NPAS3: variants seen among roughly 807,000 people sequenced by gnomAD.
NPAS3 encodes neuronal PAS domain-containing protein 3.
Under a neutral mutation model 73.1 loss-of-function variants are expected in NPAS3, and 14 were observed. That is an observed-to-expected ratio of 0.19 (90% confidence interval 0.13 to 0.30). NPAS3 has a LOEUF of 0.30. Ranked by LOEUF, NPAS3 falls within the 10% of genes least tolerant of loss-of-function variation. The pLI, the probability that NPAS3 is intolerant of heterozygous loss-of-function variation, is 1.00. For missense variants in NPAS3, 1,096 were observed against 1,250.0 expected, an observed-to-expected ratio of 0.88 and a Z score of 1.86; for synonymous variants, 620 against 541.5, an observed-to-expected ratio of 1.14 and a Z score of -2.01.
chr14:33,294,242 C>T (rs1266288253), intron 3 of NPAS3, among the ~76,000 whole-genome samples: 2 of 152,194 alleles, frequency 1.3e-5, no homozygotes, highest in Admixed American at 6.5e-5. Flanking sequence ...CTCTATTCTT[C>T]ACCCACATTG....
intron 7 of NPAS3, among the ~76,000 whole-genome samples, chr14:33,743,631 C>A (rs1272912539): frequency 6.6e-6 from 1 of 152,212 alleles, no homozygotes; most frequent in Non-Finnish European, 1.5e-5. Flanking sequence ...ACAAGAAAAT[C>A]CACCTATCCT....
intron 5 of NPAS3, among the ~76,000 whole-genome samples, chr14:33,637,410 A>C (rs1421687861): frequency 6.6e-6 from 1 of 152,226 alleles, no homozygotes; most frequent in African/African-American, 2.4e-5. Flanking sequence ...ACATCATTAG[A>C]GTCCATTATA....
chr14:32,947,656 T>A (rs915072610), intron 1 of NPAS3, among the ~76,000 whole-genome samples: 3 of 152,112 alleles, frequency 2.0e-5, no homozygotes, highest in Non-Finnish European at 4.4e-5. Flanking sequence ...TGTTTGTGTA[T>A]GTCTATCTAA....
At chr14:33,545,621 C>CTGAA (rs2054808053) in intron 4 of NPAS3, among the ~76,000 whole-genome samples, 1 of 152,210 alleles carries the variant, frequency 6.6e-6, no homozygotes, top group Admixed American at 6.5e-5. Flanking sequence ...CATTTCAAAG[C>CTGAA]TGAACATGGA....
At chr14:33,732,925 C>A (rs888609230) in intron 6 of NPAS3, among the ~76,000 whole-genome samples, 1 of 152,188 alleles carries the variant, frequency 6.6e-6, no homozygotes, top group African/African-American at 2.4e-5. Flanking sequence ...AATGTACCCT[C>A]TAAGTGTTTT....
intron 5 of NPAS3, among the ~76,000 whole-genome samples, chr14:33,674,320 T>C (rs1180842185): frequency 6.6e-6 from 1 of 152,140 alleles, no homozygotes; most frequent in Non-Finnish European, 1.5e-5. Flanking sequence ...AAGGAAAAAA[T>C]TAGTTTGAGA....
intron 10 of NPAS3, among the ~76,000 whole-genome samples, chr14:33,794,313 G>C (rs922586613): frequency 3.9e-5 from 6 of 152,114 alleles, no homozygotes; most frequent in African/African-American, 1.4e-4. Flanking sequence ...AAGTTGCTTT[G>C]GTTTTCCCAC....
In NPAS3 at chr14:33,623,877, C is replaced by A. The variant is rs539430983; in HGVS notation, c.559-52334C>A. On this transcript the variant is annotated intron_variant, in intron 5 of 11. Transcript: ENST00000356141. ...GTCAATTGAATCAATTGATAATAAA[C>A]CTCATGTTTCACTTGTAAGAAAATT... 3.9e-5 allele frequency among the ~76,000 whole-genome samples: 6 copies of A among 152,292 alleles called. 1 individual carries two copies. Among genetic ancestry groups the A allele is most frequent in the Admixed American group, 2.0e-4 (3 of 15,304 alleles).
chr14:33,270,625 G>C (rs1250425831), intron 3 of NPAS3, among the ~76,000 whole-genome samples: 1 of 152,176 alleles, frequency 6.6e-6, no homozygotes, highest in African/African-American at 2.4e-5. Context: ...CACCAGAAGA[G>C]GAATGAGGAC....
chr14:33,762,098 C>T (rs189059189), intron 7 of NPAS3, among the ~76,000 whole-genome samples: 161 of 152,230 alleles, frequency 1.1e-3, no homozygotes, highest in Middle Eastern at 0.01. Flanking sequence ...TATAACATAC[C>T]AAAAGGACTC....
At chr14:33,605,407 A>C (rs2057527032) in intron 5 of NPAS3, among the ~76,000 whole-genome samples, 1 of 151,438 alleles carries the variant, frequency 6.6e-6, no homozygotes, top group Non-Finnish European at 1.5e-5. Flanking sequence ...AAAAAAAAAA[A>C]AAACACAAAC....
intron 2 of NPAS3, among the ~76,000 whole-genome samples, chr14:33,101,879 A>G (rs913802653): frequency 6.6e-6 from 1 of 151,902 alleles, no homozygotes; most frequent in South Asian, 2.1e-4. Context: ...TTTCTTCCCT[A>G]TCTTCTATTT....
chr14:33,165,983 C>G (rs1566629979), intron 2 of NPAS3, among the ~76,000 whole-genome samples: 1 of 152,184 alleles, frequency 6.6e-6, no homozygotes, highest in Admixed American at 6.5e-5. Context: ...TCTTTAGCCA[C>G]GCTCACATAT....
At chr14:33,747,913 T>C (rs558020045) in intron 7 of NPAS3, among the ~76,000 whole-genome samples, 4 of 152,324 alleles carry the variant, frequency 2.6e-5, no homozygotes, top group African/African-American at 7.2e-5. Flanking sequence ...ATCTACAATA[T>C]ATCAAGTGTT....
chr14:32,947,559 C>T lies in NPAS3; in HGVS notation c.50+8193C>T, dbSNP rs1285259143. 2.0e-5 allele frequency among the ~76,000 whole-genome samples: 3 copies of T among 151,756 alleles called. No individual in the cohort carries two copies. In the East Asian group the frequency reaches 5.8e-4, roughly 29 times the overall value. On this transcript the variant is annotated intron_variant, in intron 1 of 11. Coordinates refer to ENST00000356141, the Ensembl canonical transcript of NPAS3. The stretch of plus-strand genomic sequence containing the variant: ...ATACAAGATTTTTGTATATAGTGTA[C>T]ACAGCATATATATGTCACATGATAC...
At chr14:33,410,988 T>A (rs1178997288) in intron 4 of NPAS3, among the ~76,000 whole-genome samples, 3 of 152,078 alleles carry the variant, frequency 2.0e-5, no homozygotes, top group Non-Finnish European at 4.4e-5. Context: ...AGTGTTTGAG[T>A]CCTTGTGGCT....
At chr14:33,220,763 T>C (rs1219560489) in intron 3 of NPAS3, among the ~76,000 whole-genome samples, 4 of 152,182 alleles carry the variant, frequency 2.6e-5, no homozygotes, top group Admixed American at 1.3e-4. Flanking sequence ...TGAAAAATAT[T>C]ATATATAGCA....
intron 3 of NPAS3, among the ~76,000 whole-genome samples, chr14:33,362,919 GT>G (rs1395550521): frequency 2.0e-5 from 3 of 152,114 alleles, no homozygotes; most frequent in African/African-American, 7.2e-5. Context: ...CCTTCTTCAA[GT>G]GATCCCTCCA....
At chr14:32,973,752 G>C (rs983373868) in intron 1 of NPAS3, among the ~76,000 whole-genome samples, 1 of 151,974 alleles carries the variant, frequency 6.6e-6, no homozygotes, top group Non-Finnish European at 1.5e-5. Context: ...GGCCAGGCTG[G>C]TCTCAAACTC....
Sources: allele counts gnomAD v4.1 joint callset (sites outside exome capture counted in the v4.1 genomes callset), GRCh38; gene constraint gnomAD v4.1.1; transcripts MANE v1.5; gene names NCBI Gene and HGNC (gene_info 2026-07-23, HGNC 2026-07-21).